Variants in CLTCL1 observed in about 807,000 individuals in gnomAD.
CLTCL1 encodes the protein clathrin heavy chain like 1, also known as clathrin heavy chain 2.
CLTCL1 carries 159 observed loss-of-function variants against 190.0 expected under a neutral mutation model. The ratio of observed to expected loss-of-function variants is 0.84; its 90% confidence interval spans 0.74 to 0.95. CLTCL1 has a LOEUF of 0.95. Ranked by LOEUF, CLTCL1 falls within the 40% of genes least tolerant of loss-of-function variation. The pLI is 0.00. For missense variants in CLTCL1, 1,878 were observed against 2,033.4 expected (o/e 0.92, Z 1.47); for synonymous variants, 752 against 769.6 (o/e 0.98, Z 0.38).
chr22:19,246,526 G>A lies in CLTCL1; in HGVS notation c.520-3590C>T, dbSNP rs532594828. Reference sequence around the variant, plus strand: ...AGTTTCGCTCTTGTTGCCCAGGCTGGAGTGCAATGGCGCGATCTCGGCTCA... The same window carrying A: ...AGTTTCGCTCTTGTTGCCCAGGCTGAAGTGCAATGGCGCGATCTCGGCTCA... On this transcript the variant is annotated intron_variant, in intron 3 of 32. Transcript: ENST00000427926. 9.3e-4 allele frequency among the ~76,000 whole-genome samples: 141 copies of A among 151,748 alleles called. 1 individual carries two copies. The highest frequency in any genetic ancestry group is 1.9e-3 in the Non-Finnish European group (128 of 67,930).
At chr22:19,191,019 G>A (rs1200923133) in intron 27 of CLTCL1, among the ~76,000 whole-genome samples, 4 of 152,076 alleles carry the variant, frequency 2.6e-5, no homozygotes, top group East Asian at 3.9e-4. Flanking sequence ...CTCGTGATCC[G>A]CCCGCCTCGG....
At chr22:19,199,585 TA>T in intron 24 of CLTCL1, 148 bp downstream of exon 24, 1 of 552,350 alleles carries the variant, frequency 1.8e-6, no homozygotes, top group Non-Finnish European at 3.2e-6. Context: ...AATGACTGTC[TA>T]ACACATGAAT....
chr22:19,232,185 G>T (rs146659323), intron 10 of CLTCL1, among the ~76,000 whole-genome samples: 2 of 152,182 alleles, frequency 1.3e-5, no homozygotes, highest in Non-Finnish European at 2.9e-5. Flanking sequence ...GTGGGCCACG[G>T]GATGGAGGGC....
intron 1 of CLTCL1, among the ~76,000 whole-genome samples, chr22:19,290,495 T>A (rs552278101): frequency 6.6e-6 from 1 of 152,274 alleles, no homozygotes; most frequent in East Asian, 1.9e-4. Flanking sequence ...TGGCTTAGCT[T>A]AGTGGCAGAA....
intron 10 of CLTCL1, among the ~76,000 whole-genome samples, chr22:19,231,160 T>C (rs2085908639): frequency 6.6e-6 from 1 of 152,202 alleles, no homozygotes; most frequent in African/African-American, 2.4e-5. Context: ...AGGTCTCCTC[T>C]AGCTTGCAGA....
Position 19,219,972 on chromosome 22 carries a change from G to A in CLTCL1, c.2832C>T (p.Ala944=), listed in dbSNP as rs2085515493. ...GATCCTTTCTGCATACCAGGTAGCG[G>A]GCCTCGCTTTTGAACAGAGAATTCT... ...CNENSLFKSE[A]RYLVCRKDPE... is the part of the protein sequence containing the mutation. Residue 944 remains alanine (A), a synonymous_variant, in exon 18 of 33, where the codon GCC becomes GCT. Transcript: ENST00000427926. The A allele has an allele frequency of 1.2e-6, 2 of 1,613,874 alleles. No homozygotes were observed. Among genetic ancestry groups the A allele is most frequent in the Admixed American group, 1.7e-5 (1 of 59,994 alleles).
rs146556650 is a variant in CLTCL1 at position 19,205,231 on chromosome 22, C to T, written c.3600+2923G>A. On this transcript the variant is annotated intron_variant, in intron 22 of 32. Transcript: ENST00000427926. Reference sequence around the variant, plus strand: ...TGTTGTTATTTAACTATTTCTTGGCCGGGCACAGTGGCTCACCCCTGTAAT... The same window carrying T: ...TGTTGTTATTTAACTATTTCTTGGCTGGGCACAGTGGCTCACCCCTGTAAT... Among the ~76,000 whole-genome samples the T allele has an allele frequency of 2.2e-3, 337 of 152,214 alleles. 1 individual carries two copies. Among genetic ancestry groups the T allele is most frequent in the African/African-American group, 7.7e-3 (321 of 41,534 alleles).
intron 22 of CLTCL1, among the ~76,000 whole-genome samples, chr22:19,202,410 CA>C: frequency 6.6e-6 from 1 of 151,312 alleles, no homozygotes; most frequent in African/African-American, 2.4e-5. Flanking sequence ...TTCCGCCATC[CA>C]CGGCACCTCC....
intron 19 of CLTCL1, among the ~76,000 whole-genome samples, chr22:19,215,185 C>T (rs1361037625): frequency 2.0e-5 from 3 of 152,164 alleles, no homozygotes; most frequent in Non-Finnish European, 2.9e-5. Context: ...ATCCTGGCAT[C>T]CTGTCATTAG....
At chr22:19,221,810 C>G in intron 16 of CLTCL1, 141 bp downstream of exon 16, 1 of 1,040,444 alleles carries the variant, frequency 9.6e-7, no homozygotes, top group Non-Finnish European at 1.4e-6. Context: ...TTCACAGTAC[C>G]AATAGCAAGT....
At chr22:19,268,774 T>C (rs2087204680) in intron 2 of CLTCL1, among the ~76,000 whole-genome samples, 1 of 152,128 alleles carries the variant, frequency 6.6e-6, no homozygotes, top group Non-Finnish European at 1.5e-5. Flanking sequence ...GACAGTCACT[T>C]TGGAAAACAG....
chr22:19,249,284 G>A (rs781852779), intron 3 of CLTCL1, among the ~76,000 whole-genome samples: 7 of 151,772 alleles, frequency 4.6e-5, no homozygotes, highest in Admixed American at 6.6e-5. Flanking sequence ...GCTTGAACCC[G>A]GGAGGTGGAG....
At chr22:19,256,330 CT>C (rs1341263951) in intron 2 of CLTCL1, among the ~76,000 whole-genome samples, 23 of 120,112 alleles carry the variant, frequency 1.9e-4, no homozygotes, top group South Asian at 1.4e-3. Flanking sequence ...GCTAATTTTT[CT>C]TTTTTTTTTC....
chr22:19,275,549 C>A, intron 2 of CLTCL1, 74 bp downstream of exon 2: 2 of 1,422,250 alleles, frequency 1.4e-6, no homozygotes, highest in Non-Finnish European at 1.9e-6. Flanking sequence ...CTTAGTGACA[C>A]TTGTTCAATA....
chr22:19,239,820 G>A (rs184549646), intron 4 of CLTCL1, among the ~76,000 whole-genome samples: 1 of 152,326 alleles, frequency 6.6e-6, no homozygotes, highest in Non-Finnish European at 1.5e-5. Context: ...CCATGGCACA[G>A]GCCTGAGGTT....
intron 26 of CLTCL1, among the ~76,000 whole-genome samples, chr22:19,195,881 G>A (rs2084684042): frequency 6.6e-6 from 1 of 152,094 alleles, no homozygotes; most frequent in African/African-American, 2.4e-5. Context: ...GTCCGATGGT[G>A]AACAATAACC....
At chr22:19,256,621 G>T (rs952849548) in intron 2 of CLTCL1, among the ~76,000 whole-genome samples, 4 of 151,246 alleles carry the variant, frequency 2.6e-5, no homozygotes, top group Admixed American at 6.6e-5. Flanking sequence ...GCCTCCCAAA[G>T]TGCTGGGATT....
chr22:19,183,842 G>T, intron 29 of CLTCL1: 1 of 551,516 alleles, frequency 1.8e-6, no homozygotes, highest in Non-Finnish European at 3.3e-6. Flanking sequence ...CGGAGGCGCA[G>T]GTGCCCTGGG....
intron 6 of CLTCL1, 105 bp from the exon 7 acceptor site, chr22:19,234,811 G>T (rs151002503): frequency 9.6e-7 from 1 of 1,045,816 alleles, no homozygotes. Context: ...ATTCTCAGGC[G>T]AGTGTTGAGC....
Sources: allele counts gnomAD v4.1 joint callset (sites outside exome capture counted in the v4.1 genomes callset), GRCh38; gene constraint gnomAD v4.1.1; transcripts MANE v1.5; gene names NCBI Gene and HGNC (gene_info 2026-07-23, HGNC 2026-07-21).